The following ZNF469 variants were observed in gnomAD, a reference collection of about 807,000 sequenced individuals.
ZNF469 encodes the protein zinc finger protein 469.
Under a neutral mutation model 1.0 loss-of-function variants are expected in ZNF469, and 1 was observed. The ratio of observed to expected loss-of-function variants is 1.00; its 90% CI spans 0.35 to 4.73. ZNF469 has a LOEUF of 4.73. Ranked by LOEUF, ZNF469 falls within the 30% of genes most tolerant of loss-of-function variation. ZNF469 has a pLI of 0.16. For synonymous variants in ZNF469, 2,703 were observed against 2,363.4 expected (o/e 1.14, Z -4.17); for missense variants, 6,100 against 5,356.3 (o/e 1.14, Z -4.33).
chr16:88,374,148 G>A, the ZNF469 span, among the ~76,000 whole-genome samples: 1 of 152,216 alleles, frequency 6.6e-6, no homozygotes, highest in East Asian at 1.9e-4. Context: ...CACTGTCTGA[G>A]GTACAGGGTG....
chr16:88,185,158 C>G, the ZNF469 span, among the ~76,000 whole-genome samples: 1 of 58,822 alleles, frequency 1.7e-5, no homozygotes, highest in Admixed American at 1.5e-4. Context: ...CTCACACTCA[C>G]AGGCACACCC....
At chr16:88,289,152 G>A in the ZNF469 span, among the ~76,000 whole-genome samples, 4 of 152,152 alleles carry the variant, frequency 2.6e-5, no homozygotes, top group South Asian at 8.4e-4. Context: ...GGATGATGGT[G>A]ATGGCAATGA....
chr16:88,196,668 G>A, the ZNF469 span, among the ~76,000 whole-genome samples: 7 of 152,294 alleles, frequency 4.6e-5, no homozygotes, highest in South Asian at 1.5e-3. Flanking sequence ...TCACTGACAG[G>A]CCCCTTGCTC....
In ZNF469 at chr16:88,433,294, G is replaced by C. The variant is rs114755302; in HGVS notation, c.5824G>C (p.Gly1942Arg). Residue 1942 changes from glycine to arginine, a missense_variant, in exon 3 of 3, where the codon GGG becomes CGG. Transcript: ENST00000565624. ...ACGAGTGAACCCCTCAGGTCTGGAA[G>C]GGGGCACTGTGGAAGGAGGGAAGGT... ...PPRVNPSGLE[G>R]GTVEGGKVAC... 1.3e-6 allele frequency: 2 copies of C among 1,550,382 alleles called. No individual in the cohort carries two copies. The highest frequency in any genetic ancestry group is 2.0e-5 in the Admixed American group (1 of 51,012).
chr16:88,285,129 C>A, the ZNF469 span, among the ~76,000 whole-genome samples: 8 of 152,260 alleles, frequency 5.3e-5, no homozygotes, highest in African/African-American at 1.9e-4. Context: ...CCAAGGCACA[C>A]GTGCCCATGA....
At chr16:88,104,114 CT>C in the ZNF469 span, among the ~76,000 whole-genome samples, 25 of 151,964 alleles carry the variant, frequency 1.6e-4, no homozygotes, top group Non-Finnish European at 8.8e-5. Flanking sequence ...GTGTTCAACT[CT>C]TTTCATGGCT....
the ZNF469 span, among the ~76,000 whole-genome samples, chr16:88,124,763 T>C: frequency 6.6e-6 from 1 of 152,270 alleles, no homozygotes; most frequent in South Asian, 2.1e-4. Flanking sequence ...TTTGTATTTT[T>C]AGTAGAGACG....
the ZNF469 span, among the ~76,000 whole-genome samples, chr16:88,303,340 G>A: frequency 6.6e-6 from 1 of 152,220 alleles, no homozygotes; most frequent in African/African-American, 2.4e-5. Context: ...GGCTGGGGAC[G>A]TGGACACGTG....
At chr16:88,167,002 C>T in the ZNF469 span, among the ~76,000 whole-genome samples, 1 of 148,452 alleles carries the variant, frequency 6.7e-6, no homozygotes, top group Non-Finnish European at 1.5e-5. Context: ...GGAATCCATG[C>T]TGTGGTCTTC....
the ZNF469 span, among the ~76,000 whole-genome samples, chr16:88,258,820 T>C: frequency 6.6e-6 from 1 of 152,214 alleles, no homozygotes; most frequent in African/African-American, 2.4e-5. Context: ...TCCCTCACAG[T>C]AATCCTTCTA....
chr16:88,193,417 G>A, the ZNF469 span, among the ~76,000 whole-genome samples: 2 of 152,144 alleles, frequency 1.3e-5, no homozygotes, highest in Non-Finnish European at 2.9e-5. Context: ...GTAAATTGGA[G>A]GCCAAGCATG....
rs1906183572 is a variant in ZNF469, at chr16:88,431,540, C to A, written c.4070C>A (p.Ala1357Asp). The A allele has an allele frequency of 6.4e-7, 1 of 1,550,434 alleles. No individual in the cohort carries two copies. The highest frequency in any genetic ancestry group is 2.4e-5 in the East Asian group (1 of 40,928). The change falls in exon 3 of 3, where the codon GCT (alanine) becomes GAT (aspartate). Residue 1357 changes from alanine (A) to aspartate (D), a missense_variant. Coordinates refer to ENST00000565624, the MANE Select transcript of ZNF469 (RefSeq NM_001367624.2). ...ATCTCCAGTTTTGGCTGTGACCCTGCTGGTTTTAACAGAGACCCCTTGGGG... is the reference window on the plus strand; with the variant it reads ...ATCTCCAGTTTTGGCTGTGACCCTGATGGTTTTAACAGAGACCCCTTGGGG... ...SKISSFGCDP[A>D]GFNRDPLGVP...
the ZNF469 span, chr16:88,194,336 A>G: frequency 1.3e-5 from 2 of 152,174 alleles, no homozygotes; most frequent in Admixed American, 1.3e-4. Flanking sequence ...AAGGGGGTTC[A>G]CCTGGGACAC....
the ZNF469 span, among the ~76,000 whole-genome samples, chr16:88,103,250 C>T: frequency 2.0e-5 from 3 of 152,298 alleles, no homozygotes; most frequent in South Asian, 6.2e-4. Flanking sequence ...CTTAGGGACG[C>T]AGAGCTTCCT....
chr16:88,291,147 C>T, the ZNF469 span, among the ~76,000 whole-genome samples: 20,601 of 152,160 alleles, frequency 0.14, 3,390 homozygotes, highest in African/African-American at 0.39. Context: ...TGGGGCAGTC[C>T]GGGCTCCCCA....
the ZNF469 span, among the ~76,000 whole-genome samples, chr16:88,223,868 C>G: frequency 6.6e-6 from 1 of 152,246 alleles, no homozygotes; most frequent in East Asian, 1.9e-4. Context: ...GCGCAGGCCT[C>G]GCCTGTCTTA....
the ZNF469 span, among the ~76,000 whole-genome samples, chr16:88,239,157 G>A: frequency 6.6e-6 from 1 of 152,166 alleles, no homozygotes; most frequent in Non-Finnish European, 1.5e-5. Context: ...GGGTGAGGGA[G>A]GTGGGGTTGT....
chr16:88,309,697 G>T, the ZNF469 span, among the ~76,000 whole-genome samples: 1 of 151,012 alleles, frequency 6.6e-6, no homozygotes, highest in South Asian at 2.1e-4. Context: ...CTGACGGGGG[G>T]AGTGCCCTCT....
the ZNF469 span, among the ~76,000 whole-genome samples, chr16:88,196,044 C>T: frequency 6.6e-6 from 1 of 152,196 alleles, no homozygotes; most frequent in Non-Finnish European, 1.5e-5. Context: ...TTCTGTTTTT[C>T]CTGGAGACCT....
Sources: allele counts gnomAD v4.1 joint callset (sites outside exome capture counted in the v4.1 genomes callset), GRCh38; gene constraint gnomAD v4.1.1; transcripts MANE v1.5; gene names NCBI Gene and HGNC (gene_info 2026-07-23, HGNC 2026-07-21).